CACNA1B: variants seen among roughly 807,000 people sequenced by gnomAD.
CACNA1B encodes the protein voltage-dependent N-type calcium channel subunit alpha-1B.
A neutral mutation model predicts 247.2 loss-of-function variants in CACNA1B; 70 were observed. The observed-to-expected ratio is 0.28, with a 90% confidence interval of 0.23 to 0.35. The LOEUF (loss-of-function observed/expected upper bound fraction) is 0.35, where lower values mean the gene tolerates loss of function less well. Among genes scored for constraint, CACNA1B ranks in the 10% least tolerant of loss-of-function variants. The probability of loss-of-function intolerance (pLI) is 1.00; values close to 1 mark genes in which losing one functional copy is unlikely to be tolerated. For missense variants in CACNA1B, 2,367 were observed against 3,197.4 expected (o/e 0.74, Z 6.26); for synonymous variants, 1,231 against 1,294.4 (o/e 0.95, Z 1.05).
chr9:137,935,101 AT>A (rs1159175084), intron 6 of CACNA1B, among the ~76,000 whole-genome samples: 1 of 152,096 alleles, frequency 6.6e-6, no homozygotes, highest in Non-Finnish European at 1.5e-5. Context: ...GAGGGGATAA[AT>A]TTTCTTTTTT....
intron 3 of CACNA1B, among the ~76,000 whole-genome samples, chr9:137,893,606 G>A (rs529553847): frequency 2.1e-3 from 316 of 151,008 alleles, no homozygotes; most frequent in African/African-American, 7.2e-3. Context: ...AGCTGAGATC[G>A]CGCCATTGCA....
chr9:138,118,947 C>G (rs893677960), intron 44 of CACNA1B, among the ~76,000 whole-genome samples, 179 bp downstream of exon 44: 2 of 152,100 alleles, frequency 1.3e-5, no homozygotes, highest in Non-Finnish European at 2.9e-5. Context: ...TGGGCGCCGA[C>G]AGAGGTGCAG....
intron 3 of CACNA1B, among the ~76,000 whole-genome samples, chr9:137,908,934 T>G (rs1394962728): frequency 6.6e-6 from 1 of 151,982 alleles, no homozygotes; most frequent in Non-Finnish European, 1.5e-5. Flanking sequence ...CCTGGCTAAA[T>G]TTTTAATTTT....
intron 20 of CACNA1B, among the ~76,000 whole-genome samples, chr9:138,036,102 T>TC (rs1451752419): frequency 1.1e-4 from 16 of 152,004 alleles, no homozygotes; most frequent in South Asian, 2.1e-4. Context: ...TGGGTTTCTT[T>TC]CCCCCCCGCC....
At chr9:138,119,003 G>A (rs1379688728) in intron 44 of CACNA1B, among the ~76,000 whole-genome samples, 1 of 152,110 alleles carries the variant, frequency 6.6e-6, no homozygotes, top group Non-Finnish European at 1.5e-5. Flanking sequence ...GGTGGGTCAG[G>A]TCCGGTAGAG....
Position 138,114,470 on chromosome 9 carries a change from G to T in CACNA1B, c.5629G>T (p.Ala1877Ser), listed in dbSNP as rs576772015. The T allele has an allele frequency of 1.3e-6, 2 of 1,573,252 alleles. No homozygotes were observed. Among genetic ancestry groups the T allele is most frequent in the Non-Finnish European group, 1.7e-6 (2 of 1,156,102 alleles). The change falls in exon 41 of 47, where the codon GCT becomes TCT. Residue 1877 changes from alanine (A) to serine (S), a missense_variant. This residue lies in a region of CACNA1B where 773 missense variants were observed against 779.4 expected (regional missense o/e 0.99). Coordinates refer to ENST00000371372, the MANE Select transcript of CACNA1B (RefSeq NM_000718.4). The stretch of plus-strand genomic sequence containing the variant: ...AACCACCAGAGACCAGATGCAGCAG[G>T]CTCCTGGAGGCCTCTCCCAGGTAGC... The part of the protein sequence containing the change: ...NKTTRDQMQQ[A>S]PGGLSQMGPV...
At chr9:138,024,860 C>G in intron 19 of CACNA1B, 95 bp from the exon 20 acceptor site, 1 of 857,794 alleles carries the variant, frequency 1.2e-6, no homozygotes, top group Non-Finnish European at 1.9e-6. Flanking sequence ...TCTTGAACTC[C>G]TGGGCTCAAG....
intron 3 of CACNA1B, among the ~76,000 whole-genome samples, chr9:137,910,444 G>T (rs564490133): frequency 6.6e-6 from 1 of 152,192 alleles, no homozygotes; most frequent in South Asian, 2.1e-4. Context: ...AGAGGTCGGG[G>T]GATGGTTTTG....
chr9:137,921,968 GTGTT>G (rs1266034353), intron 6 of CACNA1B, among the ~76,000 whole-genome samples: 527 of 146,706 alleles, frequency 3.6e-3, no homozygotes, highest in Middle Eastern at 0.012. Flanking sequence ...GCAGAGTAAA[GTGTT>G]CGGAGAACAC....
At chr9:137,879,012 C>A in intron 1 of CACNA1B, 42 bp from the exon 2 acceptor site, 2 of 1,336,452 alleles carry the variant, frequency 1.5e-6, no homozygotes, top group South Asian at 1.2e-5. Context: ...CCTCGTGTTT[C>A]CCTCCGTGCG....
intron 6 of CACNA1B, among the ~76,000 whole-genome samples, chr9:137,929,298 A>G (rs994699010): frequency 6.6e-6 from 1 of 152,212 alleles, no homozygotes; most frequent in Non-Finnish European, 1.5e-5. Context: ...TTATGCCTAT[A>G]ATCCCAGCAC....
At chr9:138,049,995 A>C (rs749329831) in intron 24 of CACNA1B, 2 of 1,056,236 alleles carry the variant, frequency 1.9e-6, no homozygotes, top group Non-Finnish European at 2.6e-6. Context: ...GAGGGTCCAC[A>C]TCTCTCTGAG....
chr9:137,982,167 G>A (rs933650618), intron 12 of CACNA1B, among the ~76,000 whole-genome samples: 1 of 152,200 alleles, frequency 6.6e-6, no homozygotes, highest in East Asian at 1.9e-4. Context: ...GCTTAACTGG[G>A]TGCACCTGGC....
intron 36 of CACNA1B, among the ~76,000 whole-genome samples, chr9:138,093,014 GA>G (rs1176830989): frequency 6.6e-6 from 1 of 151,918 alleles, no homozygotes; most frequent in Non-Finnish European, 1.5e-5. Flanking sequence ...ATAAGCACAT[GA>G]AAAAATATTC....
At chr9:138,013,081 G>A in intron 17 of CACNA1B, 48 bp from the exon 18 acceptor site, 1 of 1,337,532 alleles carries the variant, frequency 7.5e-7, no homozygotes, top group South Asian at 1.2e-5. Flanking sequence ...GTGTTAGAGT[G>A]GCTATAACAC....
chr9:138,047,291 T>A, intron 22 of CACNA1B, 108 bp from the exon 23 acceptor site: 1 of 867,458 alleles, frequency 1.2e-6, no homozygotes, highest in Non-Finnish European at 1.9e-6. Flanking sequence ...GCTTCCTGGC[T>A]CCCTGGCTGA....
chr9:138,056,933 GT>G (rs138277172), intron 26 of CACNA1B, among the ~76,000 whole-genome samples: 2,218 of 113,398 alleles, frequency 0.02, 8 homozygotes, highest in South Asian at 0.048. Context: ...TTTTATTTGG[GT>G]TTTTTTTTTT....
chr9:138,023,829 C>A lies in CACNA1B; in HGVS notation c.3068+18C>A. 8.1e-7 allele frequency: 1 copy of A among 1,238,510 alleles called. No homozygotes were observed. The allele number at this position is 1,238,510 out of a possible 1,614,324, so 76.7% of individuals were successfully genotyped here. On this transcript the variant is annotated intron_variant, in intron 19 of 46. Coordinates refer to ENST00000371372, the MANE Select transcript of CACNA1B (RefSeq NM_000718.4). ...CAGCCCCGGTGAGTCCGCGGCTGGGCGGGGTCAGGGAGGGAAGGGTTGGCC... is the reference window on the plus strand; with the variant it reads ...CAGCCCCGGTGAGTCCGCGGCTGGGAGGGGTCAGGGAGGGAAGGGTTGGCC...
Position 138,059,285 on chromosome 9 carries a change from A to G in CACNA1B, c.4584+96A>G, listed in dbSNP as rs1959629993. ...TGGGGGCTCACAATTTGGAGCTGGG[A>G]ATTCTCCGAGTACCCAGAGTATATG... On this transcript the variant is annotated intron_variant, in intron 30 of 46. Coordinates refer to ENST00000371372, the MANE Select transcript of CACNA1B (RefSeq NM_000718.4). This position sits in a 1 kb window ranked among gnomAD's most constrained non-coding sequence, Gnocchi z 4.2. 1 of 722,514 alleles carries G rather than the reference A, an allele frequency of 1.4e-6. No individual in the cohort carries two copies. The highest frequency in any genetic ancestry group is 2.5e-6 in the Non-Finnish European group (1 of 399,370). The allele number at this position is 722,514 out of a possible 1,614,324, so 44.8% of individuals were successfully genotyped here. A position where few individuals can be genotyped will look rare whatever the true frequency, so the allele number is the denominator to read the frequency against.
Sources: gnomAD v4.1 joint callset for allele counts (sites outside exome capture counted in the v4.1 genomes callset) on GRCh38, gnomAD v4.1.1 for gene constraint, gnomAD v4.1.1 regional missense constraint, Gnocchi (gnomAD v3.1) non-coding constraint, MANE v1.5 for transcripts, NCBI Gene and HGNC (gene_info 2026-07-23, HGNC 2026-07-21) for gene names.